Variants in UNC5A observed in about 807,000 individuals in gnomAD.
The protein encoded by UNC5A is netrin receptor UNC5A.
Under a neutral mutation model 87.4 loss-of-function variants are expected in UNC5A, and 20 were observed. The ratio of observed to expected loss-of-function variants is 0.23; its 90% CI spans 0.16 to 0.33. The LOEUF (loss-of-function observed/expected upper bound fraction) is 0.33, where lower values mean the gene tolerates loss of function less well. UNC5A is among the 10% of genes least tolerant of loss of function. The pLI is 1.00. For missense variants in UNC5A, 844 were observed against 1,133.4 expected (o/e 0.74, Z 3.67); for synonymous variants, 438 against 482.3 (o/e 0.91, Z 1.20).
chr5:176,820,384 G>C (rs1284566846), intron 1 of UNC5A, among the ~76,000 whole-genome samples: 12 of 151,696 alleles, frequency 7.9e-5, no homozygotes, highest in Admixed American at 6.6e-4. Flanking sequence ...GTGAGAGAGT[G>C]AGACTCCGTC....
chr5:176,859,874 G>A (rs1256033102), intron 1 of UNC5A, among the ~76,000 whole-genome samples: 1 of 152,254 alleles, frequency 6.6e-6, no homozygotes, highest in Non-Finnish European at 1.5e-5. Context: ...TGCCCCCTGG[G>A]TCCACCGGAT....
At chr5:176,872,567 C>T (rs1758149131) in intron 6 of UNC5A, among the ~76,000 whole-genome samples, 1 of 122,432 alleles carries the variant, frequency 8.2e-6, no homozygotes, top group African/African-American at 3.4e-5. Flanking sequence ...ACCACAGCTT[C>T]CCATCTGCCC....
intron 1 of UNC5A, among the ~76,000 whole-genome samples, chr5:176,834,665 TTCTCTCTCTCTCTCTC>T (rs369472376): frequency 5.9e-5 from 6 of 101,328 alleles, no homozygotes; most frequent in Admixed American, 5.1e-4. Context: ...ACGTCCCGTC[TTCTCTCTCTCTCTCTC>T]TCTCTCTCTC....
intron 8 of UNC5A, among the ~76,000 whole-genome samples, chr5:176,876,292 T>C (rs1274413825): frequency 1.3e-5 from 2 of 152,244 alleles, no homozygotes; most frequent in Non-Finnish European, 2.9e-5. Context: ...GCTGTGACTC[T>C]GCCCTCTCCG....
chr5:176,850,581 G>C (rs1054871724), intron 1 of UNC5A, among the ~76,000 whole-genome samples: 1 of 152,176 alleles, frequency 6.6e-6, no homozygotes, highest in African/African-American at 2.4e-5. Context: ...TAGGGACCCC[G>C]GGGCAGGAGC....
chr5:176,849,281 T>C (rs1561654116), intron 1 of UNC5A, among the ~76,000 whole-genome samples: 1 of 152,028 alleles, frequency 6.6e-6, no homozygotes, highest in African/African-American at 2.4e-5. Context: ...CAGCTTCCCT[T>C]GGGGAAAAAA....
intron 1 of UNC5A, among the ~76,000 whole-genome samples, chr5:176,817,982 C>G (rs1756634901): frequency 6.6e-6 from 1 of 152,084 alleles, no homozygotes; most frequent in Non-Finnish European, 1.5e-5. Context: ...GCTCTTTGTT[C>G]GGGGCCTGTT....
intron 1 of UNC5A, among the ~76,000 whole-genome samples, chr5:176,851,556 G>A (rs1246719806): frequency 1.3e-5 from 2 of 152,266 alleles, no homozygotes; most frequent in Admixed American, 6.5e-5. Context: ...CATAAATGGT[G>A]TAGGCCACGC....
At chr5:176,827,179 C>CT (rs35306601) in intron 1 of UNC5A, among the ~76,000 whole-genome samples, 80,503 of 107,664 alleles carry the variant, frequency 0.75, 33,171 homozygotes, top group South Asian at 0.89. Flanking sequence ...TGCTTCATTC[C>CT]TTTTTTTTTT....
At chr5:176,851,897 TAG>T (rs1427019315) in intron 1 of UNC5A, among the ~76,000 whole-genome samples, 1 of 152,146 alleles carries the variant, frequency 6.6e-6, no homozygotes, top group Non-Finnish European at 1.5e-5. Context: ...CTACTCTAAG[TAG>T]AGTTACCTCC....
In UNC5A at chr5:176,844,792, G is replaced by A. The variant is rs1374175612; in HGVS notation, c.71-17832G>A. On this transcript the variant is annotated intron_variant, in intron 1 of 14. Transcript: ENST00000329542. This position sits in a 1 kb window ranked among gnomAD's most constrained non-coding sequence, Gnocchi z 4.2. ...GCTATGGCCCAATCACTCACCCCGA[G>A]ACCCCTCTCCACCCTCCAGCACTGC... 6.6e-6 allele frequency among the ~76,000 whole-genome samples: 1 copy of A among 152,186 alleles called. No individual in the cohort carries two copies. Among genetic ancestry groups the A allele is most frequent in the Non-Finnish European group, 1.5e-5 (1 of 68,036 alleles).
chr5:176,818,813 T>C (rs764127475), intron 1 of UNC5A, among the ~76,000 whole-genome samples: 29 of 152,116 alleles, frequency 1.9e-4, no homozygotes, highest in Non-Finnish European at 3.4e-4. Flanking sequence ...CCATTCCCCA[T>C]CCCCATGCTG....
chr5:176,838,448 A>G lies in UNC5A; in HGVS notation c.71-24176A>G, dbSNP rs944126862. On this transcript the variant is annotated intron_variant, in intron 1 of 14. Transcript: ENST00000329542. The surrounding 1 kb of genome is among the most constrained non-coding windows in gnomAD (Gnocchi z 4.2). Reference sequence around the variant, plus strand: ...TCCAGCCAAACTGGATTCTCAGTTAACAATCTTTTGGTTGCAGTATGAAAG... The same window carrying G: ...TCCAGCCAAACTGGATTCTCAGTTAGCAATCTTTTGGTTGCAGTATGAAAG... 6.6e-6 allele frequency among the ~76,000 whole-genome samples: 1 copy of G among 152,238 alleles called. No individual in the cohort carries two copies. Among genetic ancestry groups the G allele is most frequent in the Non-Finnish European group, 1.5e-5 (1 of 68,044 alleles).
rs1581274179 is a variant in UNC5A, at chr5:176,869,370, G to C, written c.721+406G>C. Among the ~76,000 whole-genome samples, 1 of 152,228 alleles carries C rather than the reference G, an allele frequency of 6.6e-6. No homozygotes were observed. The highest frequency in any genetic ancestry group is 1.9e-4 in the East Asian group (1 of 5,174). ...TGGGGTCTGGGCTGCAGGAGTGTGT[G>C]AGCCGCGGTTCAGCCTGGCTACCCC... On this transcript the variant is annotated intron_variant, in intron 5 of 14. Transcript: ENST00000329542. The surrounding 1 kb of genome is among the most constrained non-coding windows in gnomAD (Gnocchi z 9.1).
Position 176,830,642 on chromosome 5 carries a change from G to A in UNC5A, c.70+19822G>A, listed in dbSNP as rs533802339. 4.0e-4 allele frequency among the ~76,000 whole-genome samples: 56 copies of A among 141,004 alleles called. 1 individual carries two copies. The highest frequency in any genetic ancestry group is 1.4e-3 in the African/African-American group (52 of 37,778). 92.5% of individuals were successfully genotyped at this position (141,004 alleles called of 152,430 possible). A position where few individuals can be genotyped will look rare whatever the true frequency, so the allele number is the denominator to read the frequency against. On this transcript the variant is annotated intron_variant, in intron 1 of 14. Coordinates refer to ENST00000329542, the MANE Select transcript of UNC5A (RefSeq NM_133369.3). ...CTGGCGTGTGTGTGTGTGCGCTGGC[G>A]TGTGCATTTGTGTGTGTGTGCTGGT...
At chr5:176,877,850 G>T in intron 10 of UNC5A, 44 bp from the exon 11 acceptor site, 1 of 1,562,252 alleles carries the variant, frequency 6.4e-7, no homozygotes. Context: ...TGGCCCTAGG[G>T]CTCTGAGGCT....
rs1039496760 is a variant in UNC5A at position 176,875,729 on chromosome 5, T to C, written c.1378+1163T>C. ...CCCCTGCAGGCCAGCTGCTTCAGCC[T>C]CTTCCCTCACACACATCGTCCCGCA... On this transcript the variant is annotated intron_variant, in intron 8 of 14. Transcript: ENST00000329542. The surrounding 1 kb of genome is among the most constrained non-coding windows in gnomAD (Gnocchi z 5.2). Among the ~76,000 whole-genome samples the C allele has an allele frequency of 6.6e-6, 1 of 151,940 alleles. No individual in the cohort carries two copies. The highest frequency in any genetic ancestry group is 2.4e-5 in the African/African-American group (1 of 41,362).
At chr5:176,828,705 C>G (rs1756912716) in intron 1 of UNC5A, among the ~76,000 whole-genome samples, 1 of 152,166 alleles carries the variant, frequency 6.6e-6, no homozygotes, top group African/African-American at 2.4e-5. Context: ...CTGTACCACC[C>G]CCAGTTAAAA....
intron 5 of UNC5A, 60 bp from the exon 6 acceptor site, chr5:176,870,310 C>G (rs1252228625): frequency 7.6e-6 from 12 of 1,575,604 alleles, no homozygotes; most frequent in East Asian, 2.3e-5. Context: ...CACTGGCAGA[C>G]TGCCGGGGTG....
Sources: allele counts gnomAD v4.1 joint callset (sites outside exome capture counted in the v4.1 genomes callset), GRCh38; gene constraint gnomAD v4.1.1; non-coding constraint Gnocchi (gnomAD v3.1); transcripts MANE v1.5; gene names NCBI Gene and HGNC (gene_info 2026-07-23, HGNC 2026-07-21).